Variants in RB1CC1 observed in about 807,000 individuals in gnomAD.
The protein encoded by RB1CC1 is RB1-inducible coiled-coil protein 1.
Under a neutral mutation model 177.5 loss-of-function variants are expected in RB1CC1, and 46 were observed. That is an observed-to-expected ratio of 0.26 (90% CI 0.20 to 0.33). The LOEUF (loss-of-function observed/expected upper bound fraction) is 0.33, where lower values mean the gene tolerates loss of function less well. Among genes scored for constraint, RB1CC1 ranks in the 10% least tolerant of loss-of-function variants. RB1CC1 has a pLI of 1.00. For missense variants in RB1CC1, 1,703 were observed against 1,816.3 expected (o/e 0.94, Z 1.13); for synonymous variants, 666 against 613.6 (o/e 1.09, Z -1.26).
At chr8:52,626,210 C>T (rs1848378924) in intron 22 of RB1CC1, among the ~76,000 whole-genome samples, 1 of 152,170 alleles carries the variant, frequency 6.6e-6, no homozygotes. Context: ...GTAGCATGAT[C>T]CCAACTGGCA....
chr8:52,664,753 G>C (rs1408381898), intron 8 of RB1CC1, among the ~76,000 whole-genome samples: 1 of 152,066 alleles, frequency 6.6e-6, no homozygotes, highest in East Asian at 1.9e-4. Context: ...TCCATTTTGA[G>C]AAAACAGTAT....
intron 5 of RB1CC1, among the ~76,000 whole-genome samples, chr8:52,683,341 T>G (rs1444198276): frequency 6.6e-6 from 1 of 152,194 alleles, no homozygotes; most frequent in Non-Finnish European, 1.5e-5. Context: ...AAGACAGCTT[T>G]TCCACTCTAA....
intron 1 of RB1CC1, among the ~76,000 whole-genome samples, chr8:52,713,289 G>A (rs923799851): frequency 6.6e-6 from 1 of 152,194 alleles, no homozygotes; most frequent in South Asian, 2.1e-4. Flanking sequence ...ACACTTTAAA[G>A]AGTCATGATG....
intron 1 of RB1CC1, among the ~76,000 whole-genome samples, chr8:52,702,797 T>G (rs2150697407): frequency 6.6e-6 from 1 of 152,204 alleles, no homozygotes; most frequent in Non-Finnish European, 1.5e-5. Context: ...ATTTCCATTC[T>G]CTAATCTGTA....
At chr8:52,674,558 C>G (rs1852912533) in intron 6 of RB1CC1, among the ~76,000 whole-genome samples, 1 of 152,102 alleles carries the variant, frequency 6.6e-6, no homozygotes, top group African/African-American at 2.4e-5. Flanking sequence ...CATTTGAGGT[C>G]AGGAGTTTGA....
In RB1CC1 at chr8:52,623,676, C is replaced by A. The variant is rs1277072577; in HGVS notation, c.*106G>T. The A allele has an allele frequency of 2.6e-6, 2 of 783,046 alleles. No individual in the cohort carries two copies. Among genetic ancestry groups the A allele is most frequent in the Non-Finnish European group, 4.5e-6 (2 of 445,754 alleles). 48.5% of individuals were successfully genotyped at this position (783,046 alleles called of 1,614,324 possible). A position where few individuals can be genotyped will look rare whatever the true frequency, so the allele number is the denominator to read the frequency against. The stretch of plus-strand genomic sequence containing the variant: ...TACACCAGTGAAGTATATTGTCACG[C>A]TGACTTTTGCATAAAAAGATGGCCT... On this transcript the variant is annotated 3_prime_UTR_variant, in exon 24 of 24. Coordinates refer to ENST00000025008, the MANE Select transcript of RB1CC1 (RefSeq NM_014781.5).
intron 1 of RB1CC1, among the ~76,000 whole-genome samples, chr8:52,703,117 TAA>T (rs1010819567): frequency 2.1e-5 from 3 of 145,424 alleles, no homozygotes; most frequent in East Asian, 2.0e-4. Flanking sequence ...TATCTTATAT[TAA>T]AAAAAAAAAA....
chr8:52,703,483 G>C (rs1165578012), intron 1 of RB1CC1, among the ~76,000 whole-genome samples: 1 of 152,040 alleles, frequency 6.6e-6, no homozygotes, highest in Non-Finnish European at 1.5e-5. Context: ...TACCATTTAG[G>C]CTGATCTCCT....
In RB1CC1 at chr8:52,622,747, CCT is replaced by C. The variant is rs1208664018; in HGVS notation, c.*1033_*1034del. On this transcript the variant is annotated 3_prime_UTR_variant, in exon 24 of 24. Coordinates refer to ENST00000025008, the MANE Select transcript of RB1CC1 (RefSeq NM_014781.5). ...TTCTATTCTACATAACACTGTTTAC[CCT>C]GTTACATAGTATATAGTTAAAGAAC... 1 of 151,820 alleles carries C rather than the reference CCT, an allele frequency of 6.6e-6. No individual in the cohort carries two copies. The highest frequency in any genetic ancestry group is 1.5e-5 in the Non-Finnish European group (1 of 67,514). The allele number at this position is 151,820 out of a possible 1,614,324, so 9.4% of individuals were successfully genotyped here.
At chr8:52,659,016 AAC>A (rs1417114710) in intron 12 of RB1CC1, 40 bp from the exon 13 acceptor site, 5 of 1,161,316 alleles carry the variant, frequency 4.3e-6, no homozygotes, top group Non-Finnish European at 5.9e-6. Context: ...ATTTTTTTTC[AAC>A]CAAAAACAGA....
At chr8:52,695,112 C>G (rs1855269886) in intron 1 of RB1CC1, among the ~76,000 whole-genome samples, 1 of 152,086 alleles carries the variant, frequency 6.6e-6, no homozygotes, top group Admixed American at 6.6e-5. Context: ...AATTACAAAT[C>G]TAAAAAGAAG....
intron 20 of RB1CC1, among the ~76,000 whole-genome samples, chr8:52,634,376 A>C (rs1848975968): frequency 6.6e-6 from 1 of 152,136 alleles, no homozygotes; most frequent in African/African-American, 2.4e-5. Flanking sequence ...TGTAAAAATT[A>C]GCCGGGTGTG....
At chr8:52,628,222 T>C in intron 21 of RB1CC1, 54 bp from the exon 22 acceptor site, 1 of 1,528,112 alleles carries the variant, frequency 6.5e-7, no homozygotes, top group Non-Finnish European at 9.0e-7. Context: ...ATCCCCCTAT[T>C]CTGAAAACTT....
Position 52,685,446 on chromosome 8 carries a change from A to C in RB1CC1, c.24T>G (p.Val8=), listed in dbSNP as rs1413502224. Residue 8 remains valine, a synonymous_variant, in exon 3 of 24, where the codon GTT becomes GTG. Coordinates refer to ENST00000025008, the MANE Select transcript of RB1CC1 (RefSeq NM_014781.5). ...CAAATGTTAGAGTAGTTCCAGTGTT[A>C]ACCAGAAATACATATAACTTCATGA... The part of the protein sequence containing the change: MKLYVFL[V]NTGTTLTFDT... The C allele has an allele frequency of 6.3e-7, 1 of 1,597,312 alleles. No individual in the cohort carries two copies.
intron 8 of RB1CC1, among the ~76,000 whole-genome samples, chr8:52,666,453 C>T (rs1003674272): frequency 9.3e-5 from 14 of 151,142 alleles, no homozygotes; most frequent in Admixed American, 4.0e-4. Flanking sequence ...AGGAGGCAGA[C>T]GTTGCAGTGA....
At position 52,657,819 on chromosome 8, in the gene RB1CC1, A is replaced by T. The variant is rs1222110146; in HGVS notation, c.2010T>A (p.Thr670=). The T allele has an allele frequency of 1.3e-5, 21 of 1,614,034 alleles. No homozygotes were observed. The highest frequency in any genetic ancestry group is 1.8e-5 in the Non-Finnish European group (21 of 1,179,990). The change falls in exon 15 of 24, where the codon ACT becomes ACA. Residue 670 remains threonine (T), a synonymous_variant. Transcript: ENST00000025008. The part of the protein sequence containing the change: ...AGITTTTSPR[T]PPPLTVQDPL... ...GATCCTGAACAGTCAGTGGTGGAGG[A>T]GTTCTCGGTGAGGTAGTAGTTGTAA... is the stretch of plus-strand genomic sequence containing the variant.
At chr8:52,698,666 G>GTTT (rs1254015732) in intron 1 of RB1CC1, among the ~76,000 whole-genome samples, 2 of 2,604 alleles carry the variant, frequency 7.7e-4, no homozygotes, top group Non-Finnish European at 2.4e-3. Flanking sequence ...ATATGTAATG[G>GTTT]TTGGTTTTTT....
intron 6 of RB1CC1, among the ~76,000 whole-genome samples, chr8:52,675,714 C>CAAAAAAAAA (rs1306544323): frequency 0.013 from 712 of 56,154 alleles, 1 homozygote; most frequent in African/African-American, 0.015. Context: ...ACTAAAAATC[C>CAAAAAAAAA]AAAAAAAAAA....
intron 1 of RB1CC1, among the ~76,000 whole-genome samples, chr8:52,711,899 A>G (rs1201518959): frequency 6.6e-6 from 1 of 152,148 alleles, no homozygotes; most frequent in Non-Finnish European, 1.5e-5. Context: ...AGAGTCACAC[A>G]CTTACACCCC....
Sources: gnomAD v4.1 joint callset for allele counts (sites outside exome capture counted in the v4.1 genomes callset) on GRCh38, gnomAD v4.1.1 for gene constraint, MANE v1.5 for transcripts, NCBI Gene and HGNC (gene_info 2026-07-23, HGNC 2026-07-21) for gene names.